The following GNAL variants were observed in gnomAD, a reference collection of about 807,000 sequenced individuals.
GNAL encodes the protein guanine nucleotide-binding protein G(olf) subunit alpha.
GNAL carries 18 observed loss-of-function variants against 55.1 expected under a neutral mutation model. The observed-to-expected ratio is 0.33, with a 90% CI of 0.23 to 0.48. The LOEUF (loss-of-function observed/expected upper bound fraction) is 0.48. GNAL is among the 20% of genes least tolerant of loss of function. The pLI is 0.99. For synonymous variants in GNAL, 253 were observed against 237.0 expected, an observed-to-expected ratio of 1.07 and a Z score of -0.62; for missense variants, 412 against 614.1, an observed-to-expected ratio of 0.67 and a Z score of 3.48.
Position 11,825,000 on chromosome 18 carries a change from TTGAC to T in GNAL, c.710_713del (p.Asp237ValfsTer30), listed in dbSNP as rs2143650879. On this transcript the variant is annotated frameshift_variant, in exon 5 of 12. Coordinates refer to ENST00000334049, the MANE Select transcript of GNAL (RefSeq NM_182978.4). LOFTEE classifies it high-confidence loss of function. Reference sequence around the variant, plus strand: ...GAGAGATCCAACGAATACCAGCTGATTGACTGTGCACAATAGTAAGTTGTGTCCT... The same window carrying T: ...GAGAGATCCAACGAATACCAGCTGATTGTGCACAATAGTAAGTTGTGTCCT... 1.3e-6 allele frequency: 2 copies of T among 1,586,152 alleles called. No homozygotes were observed. The highest frequency in any genetic ancestry group is 1.7e-6 in the Non-Finnish European group (2 of 1,155,818).
At chr18:11,835,591 A>G (rs1379514448) in intron 5 of GNAL, among the ~76,000 whole-genome samples, 1 of 152,184 alleles carries the variant, frequency 6.6e-6, no homozygotes, top group East Asian at 1.9e-4. Context: ...AATAAAATGT[A>G]GGGGGAATAA....
chr18:11,748,134 T>A (rs952837291), intron 1 of GNAL, among the ~76,000 whole-genome samples: 2 of 152,186 alleles, frequency 1.3e-5, no homozygotes, highest in Non-Finnish European at 1.5e-5. Context: ...GGGTTAAAAA[T>A]TTTTTTAAGG....
chr18:11,814,574 G>A (rs902887149), intron 4 of GNAL, among the ~76,000 whole-genome samples: 1 of 151,926 alleles, frequency 6.6e-6, no homozygotes. Context: ...AACACCATAT[G>A]GTCTCATCAT....
At chr18:11,797,769 A>C (rs1215328425) in intron 4 of GNAL, among the ~76,000 whole-genome samples, 1 of 150,326 alleles carries the variant, frequency 6.7e-6, no homozygotes, top group Non-Finnish European at 1.5e-5. Context: ...GTCTCACAGA[A>C]AAAAAAAAAG....
chr18:11,881,126 G>T lies in GNAL; in HGVS notation c.1368G>T (p.Glu456Asp). Residue 456 changes from glutamate to aspartate, a missense_variant, in exon 12 of 12, where the codon GAG (glutamate) becomes GAT (aspartate). Around this residue, in one of 5 missense-constraint regions of GNAL, gnomAD observed 79 missense variants for 127.1 expected, o/e 0.62. Transcript: ENST00000334049. This position sits in a 1 kb window ranked among gnomAD's most constrained non-coding sequence, Gnocchi z 4.8. ...AGCGGATGCACCTCAAGCAGTATGA[G>T]CTCTTGTGAGGATGCTGCCGCCACC... is the stretch of plus-strand genomic sequence containing the variant. ...IIQRMHLKQY[E>D]LL 6.2e-7 allele frequency: 1 copy of T among 1,608,558 alleles called. No homozygotes were observed. Among genetic ancestry groups the T allele is most frequent in the Non-Finnish European group, 8.5e-7 (1 of 1,176,950 alleles).
chr18:11,760,605 C>T (rs1048058505), intron 4 of GNAL, among the ~76,000 whole-genome samples: 1 of 152,162 alleles, frequency 6.6e-6, no homozygotes, highest in African/African-American at 2.4e-5. Flanking sequence ...TCTGCTGGGT[C>T]TGTCTTGAAT....
At chr18:11,820,300 C>T (rs186270072) in intron 4 of GNAL, among the ~76,000 whole-genome samples, 14 of 152,096 alleles carry the variant, frequency 9.2e-5, no homozygotes, top group Admixed American at 7.2e-4. Flanking sequence ...TTGGGGGTGG[C>T]GTATTTTGAT....
intron 4 of GNAL, among the ~76,000 whole-genome samples, chr18:11,783,887 A>C (rs2033986672): frequency 6.6e-6 from 1 of 152,146 alleles, no homozygotes; most frequent in African/African-American, 2.4e-5. Flanking sequence ...TACTGCAGAG[A>C]ATATGGAGAA....
intron 1 of GNAL, chr18:11,746,031 C>G (rs1172433704): frequency 5.9e-6 from 2 of 339,622 alleles, no homozygotes; most frequent in Admixed American, 7.1e-5. Flanking sequence ...TGTTTAAAGC[C>G]GTAACAGAAG....
At chr18:11,770,147 T>TA (rs1457170882) in intron 4 of GNAL, among the ~76,000 whole-genome samples, 3 of 152,188 alleles carry the variant, frequency 2.0e-5, no homozygotes, top group Non-Finnish European at 4.4e-5. Flanking sequence ...TGAATTTAAC[T>TA]AAAATAAAGT....
rs191675674 is a variant in GNAL at position 11,881,904 on chromosome 18, T to C, written c.*769T>C. The C allele has an allele frequency of 3.3e-5, 5 of 152,814 alleles. No homozygotes were observed. The highest frequency in any genetic ancestry group is 1.2e-4 in the African/African-American group (5 of 41,592). 9.5% of individuals were successfully genotyped at this position (152,814 alleles called of 1,614,324 possible). On this transcript the variant is annotated 3_prime_UTR_variant, in exon 12 of 12. Transcript: ENST00000334049. This position sits in a 1 kb window ranked among gnomAD's most constrained non-coding sequence, Gnocchi z 4.8. ...TGTATAACTACTAAAGAAAAATCCT[T>C]GTAGATCTTTGTGCCTTCACCATGG...
At chr18:11,724,993 G>C (rs2032181315) in intron 1 of GNAL, among the ~76,000 whole-genome samples, 1 of 152,152 alleles carries the variant, frequency 6.6e-6, no homozygotes, top group South Asian at 2.1e-4. Flanking sequence ...GGGTCTGCTG[G>C]GTCATATGGC....
intron 4 of GNAL, among the ~76,000 whole-genome samples, chr18:11,777,487 T>C (rs906938381): frequency 6.6e-6 from 1 of 152,200 alleles, no homozygotes; most frequent in Non-Finnish European, 1.5e-5. Context: ...GAGAATATAA[T>C]TCAAGGCATG....
At chr18:11,716,484 G>A (rs11872362) in intron 1 of GNAL, among the ~76,000 whole-genome samples, 132 of 152,228 alleles carry the variant, frequency 8.7e-4, no homozygotes, top group Non-Finnish European at 9.0e-4. Context: ...GGAAGGGGAC[G>A]GGAGCAGGTT....
intron 1 of GNAL, among the ~76,000 whole-genome samples, chr18:11,716,999 C>T (rs1253759910): frequency 2.6e-5 from 4 of 152,206 alleles, no homozygotes; most frequent in African/African-American, 4.8e-5. Flanking sequence ...GAGCAGGGGG[C>T]GGCGCTGGTC....
intron 4 of GNAL, among the ~76,000 whole-genome samples, chr18:11,796,738 C>T (rs2034399532): frequency 6.6e-6 from 1 of 152,002 alleles, no homozygotes; most frequent in Non-Finnish European, 1.5e-5. Flanking sequence ...TTCAAACCTG[C>T]TTTTTAAACT....
chr18:11,724,657 C>T (rs543900094), intron 1 of GNAL, among the ~76,000 whole-genome samples: 1 of 152,324 alleles, frequency 6.6e-6, no homozygotes, highest in South Asian at 2.1e-4. Flanking sequence ...CATATAACTT[C>T]CTGGTGCCTT....
intron 4 of GNAL, among the ~76,000 whole-genome samples, chr18:11,800,831 G>A (rs111452753): frequency 6.6e-6 from 1 of 152,100 alleles, no homozygotes; most frequent in African/African-American, 2.4e-5. Flanking sequence ...GACTTTCTGA[G>A]GATAATTGTG....
chr18:11,833,305 C>T (rs764806921), intron 5 of GNAL, among the ~76,000 whole-genome samples: 1 of 152,188 alleles, frequency 6.6e-6, no homozygotes, highest in South Asian at 2.1e-4. Context: ...GCTGGGATTA[C>T]AGGCATGAAC....
Sources: allele counts gnomAD v4.1 joint callset (sites outside exome capture counted in the v4.1 genomes callset), GRCh38; gene constraint gnomAD v4.1.1; regional missense constraint gnomAD v4.1.1; non-coding constraint Gnocchi (gnomAD v3.1); transcripts MANE v1.5; gene names NCBI Gene and HGNC (gene_info 2026-07-23, HGNC 2026-07-21).